Variants in CFAP54 observed in about 807,000 individuals in gnomAD.
The protein encoded by CFAP54 is cilia and flagella associated protein 54, also known as cilia- and flagella-associated protein 54.
CFAP54 carries 290 observed loss-of-function variants against 370.4 expected under a neutral mutation model. The ratio of observed to expected loss-of-function variants is 0.78; its 90% CI spans 0.71 to 0.86. The LOEUF (loss-of-function observed/expected upper bound fraction) is 0.86. Among genes scored for constraint, CFAP54 ranks in the 40% least tolerant of loss-of-function variants. The probability of loss-of-function intolerance (pLI) is 0.00; values close to 1 mark genes in which losing one functional copy is unlikely to be tolerated. For missense variants in CFAP54, 3,399 were observed against 3,528.7 expected (o/e 0.96, Z 0.93); for synonymous variants, 1,206 against 1,236.5 (o/e 0.98, Z 0.52).
Position 96,626,941 on chromosome 12 carries a change from T to C in CFAP54, c.4103+2T>C. Reference sequence around the variant, plus strand: ...TCCTGTCCATGACTTCTTGAAAAGGTACTTGCAATTATCAGTGTTATACAT... The same window carrying C: ...TCCTGTCCATGACTTCTTGAAAAGGCACTTGCAATTATCAGTGTTATACAT... On this transcript the variant is annotated splice_donor_variant, in intron 30 of 67. Coordinates refer to ENST00000524981, the MANE Select transcript of CFAP54 (RefSeq NM_001306084.2). LOFTEE classifies it high-confidence loss of function. The C allele has an allele frequency of 7.4e-7, 1 of 1,350,202 alleles. No homozygotes were observed. Among genetic ancestry groups the C allele is most frequent in the South Asian group, 2.0e-5 (1 of 50,654 alleles). The allele number at this position is 1,350,202 out of a possible 1,614,324, so 83.6% of individuals were successfully genotyped here. A position where few individuals can be genotyped will look rare whatever the true frequency, so the allele number is the denominator to read the frequency against.
At chr12:96,552,877 C>T (rs1955710097) in intron 15 of CFAP54, among the ~76,000 whole-genome samples, 1 of 152,146 alleles carries the variant, frequency 6.6e-6, no homozygotes, top group Non-Finnish European at 1.5e-5. Context: ...AATTAGTCTT[C>T]CAATGAGGGG....
intron 60 of CFAP54, among the ~76,000 whole-genome samples, chr12:96,774,013 G>T (rs938521526): frequency 6.6e-6 from 1 of 152,148 alleles, no homozygotes; most frequent in South Asian, 2.1e-4. Context: ...TGCTGACAAA[G>T]GTACATTATA....
At chr12:96,626,504 C>T (rs796596313) in intron 29 of CFAP54, among the ~76,000 whole-genome samples, 39 of 152,096 alleles carry the variant, frequency 2.6e-4, no homozygotes, top group African/African-American at 9.2e-4. Flanking sequence ...ATTAGGATTA[C>T]TAGTTATGAT....
At chr12:96,539,394 C>A (rs777673171) in intron 13 of CFAP54, among the ~76,000 whole-genome samples, 2 of 151,948 alleles carry the variant, frequency 1.3e-5, no homozygotes, top group Non-Finnish European at 2.9e-5. Flanking sequence ...ATAGTATGGG[C>A]CAGGCACAGG....
intron 48 of CFAP54, among the ~76,000 whole-genome samples, chr12:96,711,553 A>G (rs1284617607): frequency 2.0e-5 from 3 of 152,188 alleles, no homozygotes; most frequent in African/African-American, 7.2e-5. Flanking sequence ...GCCAGTTTGA[A>G]GTGAAGTTTC....
intron 9 of CFAP54, among the ~76,000 whole-genome samples, chr12:96,530,314 A>T (rs1017161089): frequency 6.6e-6 from 1 of 152,100 alleles, no homozygotes; most frequent in African/African-American, 2.4e-5. Context: ...ACATGGCGAA[A>T]CTCTGTCTCT....
chr12:96,585,859 G>A (rs1956072373), intron 22 of CFAP54, among the ~76,000 whole-genome samples: 2 of 152,136 alleles, frequency 1.3e-5, no homozygotes, highest in Admixed American at 1.3e-4. Flanking sequence ...GCTTTCCCAA[G>A]AAGTCCCTTG....
chr12:96,817,079 A>G (rs1958982558), intron 64 of CFAP54, among the ~76,000 whole-genome samples: 1 of 152,186 alleles, frequency 6.6e-6, no homozygotes, highest in Non-Finnish European at 1.5e-5. Context: ...CCTGCAGGTC[A>G]GCGGATAGTC....
At chr12:96,538,294 A>G in intron 12 of CFAP54, 90 bp from the exon 13 acceptor site, 4 of 1,101,208 alleles carry the variant, frequency 3.6e-6, no homozygotes, top group Non-Finnish European at 1.3e-6. Flanking sequence ...GTATTTGTAA[A>G]GCTCTTAGAG....
intron 50 of CFAP54, among the ~76,000 whole-genome samples, chr12:96,732,662 A>G (rs1245985787): frequency 1.3e-5 from 2 of 152,176 alleles, no homozygotes; most frequent in Non-Finnish European, 2.9e-5. Context: ...TGGGTTCTCA[A>G]TAATTTTTAG....
At chr12:96,826,120 C>A (rs568496204) in intron 65 of CFAP54, among the ~76,000 whole-genome samples, 1 of 145,442 alleles carries the variant, frequency 6.9e-6, no homozygotes, top group African/African-American at 2.5e-5. Context: ...TTTTAAATAA[C>A]TAAGCAATAC....
Position 96,757,638 on chromosome 12 carries a change from C to G in CFAP54, c.8040+50C>G, listed in dbSNP as rs544553763. 4.3e-5 allele frequency: 48 copies of G among 1,115,644 alleles called. No homozygotes were observed. The African/African-American group carries it at 6.7e-4, about 16-fold the overall frequency. 69.1% of individuals were successfully genotyped at this position (1,115,644 alleles called of 1,614,324 possible). A position where few individuals can be genotyped will look rare whatever the true frequency, so the allele number is the denominator to read the frequency against. Reference sequence around the variant, plus strand: ...TATGAGTTAATTGCCTTTGAGCTTGCTATTTTGGTAACACTGTGCTATTGA... The same window carrying G: ...TATGAGTTAATTGCCTTTGAGCTTGGTATTTTGGTAACACTGTGCTATTGA... On this transcript the variant is annotated intron_variant, in intron 58 of 67. Transcript: ENST00000524981.
intron 26 of CFAP54, among the ~76,000 whole-genome samples, chr12:96,614,870 C>G (rs1386814635): frequency 6.6e-6 from 1 of 152,102 alleles, no homozygotes; most frequent in Non-Finnish European, 1.5e-5. Context: ...AGGACACAAA[C>G]AAATGGAAGA....
chr12:96,691,114 T>G lies in CFAP54; in HGVS notation c.6082-14T>G. 1.9e-6 allele frequency: 3 copies of G among 1,609,970 alleles called. No individual in the cohort carries two copies. The highest frequency in any genetic ancestry group is 2.5e-6 in the Non-Finnish European group (3 of 1,178,444). Reference sequence around the variant, plus strand: ...ATCTATAGCTCTTTATATTTCACTTTTTTTCATTTTCAGGGTTTGCTTAGA... The same window carrying G: ...ATCTATAGCTCTTTATATTTCACTTGTTTTCATTTTCAGGGTTTGCTTAGA... On this transcript the variant is annotated splice_polypyrimidine_tract_variant and intron_variant, in intron 43 of 67. Transcript: ENST00000524981.
At chr12:96,545,662 T>A (rs11108578) in intron 14 of CFAP54, among the ~76,000 whole-genome samples, 1 of 152,324 alleles carries the variant, frequency 6.6e-6, no homozygotes, top group East Asian at 1.9e-4. Context: ...ACATTGAGGA[T>A]TAAATTTCAA....
At chr12:96,498,233 G>C (rs1211454314) in intron 1 of CFAP54, among the ~76,000 whole-genome samples, 1 of 152,204 alleles carries the variant, frequency 6.6e-6, no homozygotes, top group Non-Finnish European at 1.5e-5. Context: ...GGAGAACAGT[G>C]TCTTCAATAA....
At chr12:96,580,418 C>T (rs144150516) in intron 20 of CFAP54, among the ~76,000 whole-genome samples, 179 bp from the exon 21 acceptor site, 1,555 of 152,074 alleles carry the variant, frequency 0.01, 32 homozygotes, top group African/African-American at 0.035. Flanking sequence ...GTCTTAATTG[C>T]CTCAGTAAAC....
In CFAP54 at chr12:96,838,345, A is replaced by G. The variant is rs114960105; in HGVS notation, c.9171+9257A>G. Among the ~76,000 whole-genome samples, 82 of 152,306 alleles carry G rather than the reference A, an allele frequency of 5.4e-4. 1 individual carries two copies. The highest frequency in any genetic ancestry group is 1.8e-3 in the African/African-American group (76 of 41,576). ...CAGTTTACAAGCTGCAGCTAAGTAC[A>G]AGGCACTGGGCTGGACTCACTGGAG... On this transcript the variant is annotated intron_variant, in intron 66 of 67. Coordinates refer to ENST00000524981, the MANE Select transcript of CFAP54 (RefSeq NM_001306084.2).
intron 9 of CFAP54, 137 bp from the exon 10 acceptor site, chr12:96,533,655 T>C (rs1174476989): frequency 1.5e-6 from 1 of 683,248 alleles, no homozygotes; most frequent in Non-Finnish European, 2.2e-6. Context: ...CTAAGATTTC[T>C]TGTTTCCCCC....
Sources: gnomAD v4.1 joint callset for allele counts (sites outside exome capture counted in the v4.1 genomes callset) on GRCh38, gnomAD v4.1.1 for gene constraint, MANE v1.5 for transcripts, NCBI Gene and HGNC (gene_info 2026-07-23, HGNC 2026-07-21) for gene names.